WSB2: variants seen among roughly 807,000 people sequenced by gnomAD.
The protein encoded by WSB2 is WD repeat and SOCS box-containing protein 2.
WSB2 carries 12 observed loss-of-function variants against 48.8 expected under a neutral mutation model. The ratio of observed to expected loss-of-function variants is 0.25; its 90% confidence interval spans 0.16 to 0.40. WSB2 has a LOEUF of 0.40. WSB2 is among the 10% of genes least tolerant of loss of function. The pLI is 1.00. For missense variants in WSB2, 317 were observed against 506.2 expected (o/e 0.63, Z 3.59); for synonymous variants, 191 against 203.1 (o/e 0.94, Z 0.51).
At position 118,060,458 on chromosome 12, in the gene WSB2, G is replaced by A. The variant is rs2137805150; in HGVS notation, c.13+578C>T. 6.6e-6 allele frequency among the ~76,000 whole-genome samples: 1 copy of A among 152,242 alleles called. No individual in the cohort carries two copies. The highest frequency in any genetic ancestry group is 1.9e-4 in the East Asian group (1 of 5,176). On this transcript the variant is annotated intron_variant, in intron 1 of 8. Transcript: ENST00000315436. The surrounding 1 kb of genome is among the most constrained non-coding windows in gnomAD (Gnocchi z 4.1). ...TCTCCAGTGGGAGAGGCTGGGAATAGATTGTTTCAATAGGGAACCCAGACC... is the reference window on the plus strand; with the variant it reads ...TCTCCAGTGGGAGAGGCTGGGAATAAATTGTTTCAATAGGGAACCCAGACC...
chr12:118,045,221 G>A (rs1288030784), intron 2 of WSB2, among the ~76,000 whole-genome samples: 13 of 151,864 alleles, frequency 8.6e-5, no homozygotes, highest in Admixed American at 1.3e-4. Context: ...AAAATTAGCC[G>A]GGCGTGGTGG....
At position 118,060,957 on chromosome 12, in the gene WSB2, C is replaced by CCCCG; in HGVS notation, c.13+78_13+79insCGGG. On this transcript the variant is annotated intron_variant, in intron 1 of 8. Coordinates refer to ENST00000315436, the MANE Select transcript of WSB2 (RefSeq NM_018639.5). This position sits in a 1 kb window ranked among gnomAD's most constrained non-coding sequence, Gnocchi z 4.1. ...CCGCCCCACCCCGCCCAGCCCGCCC[C>CCCCG]GGGGTCGCCTCCCCCCTCCCCGGGG... 1.3e-4 allele frequency: 90 copies of CCCCG among 719,448 alleles called. No individual in the cohort carries two copies. Among genetic ancestry groups the CCCCG allele is most frequent in the East Asian group, 2.6e-4 (2 of 7,832 alleles). The allele number at this position is 719,448 out of a possible 1,614,324, so 44.6% of individuals were successfully genotyped here.
At chr12:118,038,552 A>C (rs1159488618) in intron 4 of WSB2, among the ~76,000 whole-genome samples, 164 bp from the exon 5 acceptor site, 2 of 152,240 alleles carry the variant, frequency 1.3e-5, no homozygotes, top group African/African-American at 4.8e-5. Flanking sequence ...AAATATGACC[A>C]GATTTGTCAT....
At chr12:118,039,272 C>G (rs1023567516) in intron 4 of WSB2, among the ~76,000 whole-genome samples, 4 of 152,108 alleles carry the variant, frequency 2.6e-5, no homozygotes, top group South Asian at 2.1e-4. Context: ...GTGTCTCACA[C>G]AATCTCTCCA....
chr12:118,051,083 A>C (rs1351252676), intron 2 of WSB2, among the ~76,000 whole-genome samples: 1 of 152,052 alleles, frequency 6.6e-6, no homozygotes, highest in Non-Finnish European at 1.5e-5. Context: ...AAGAAAGAAA[A>C]GACGCTTGAC....
At chr12:118,038,450 G>A (rs1270141250) in intron 4 of WSB2, 62 bp from the exon 5 acceptor site, 25 of 1,503,722 alleles carry the variant, frequency 1.7e-5, no homozygotes, top group African/African-American at 1.1e-4. Context: ...ACTGGAGAAC[G>A]GGAGAACTGG....
chr12:118,037,645 G>A (rs150713183), intron 5 of WSB2, among the ~76,000 whole-genome samples: 2,160 of 149,974 alleles, frequency 0.014, 39 homozygotes, highest in Middle Eastern at 0.071. Context: ...TCCAGCTTGG[G>A]CAACAACAGC....
At chr12:118,053,449 C>A (rs1363814784) in intron 1 of WSB2, among the ~76,000 whole-genome samples, 3 of 152,186 alleles carry the variant, frequency 2.0e-5, no homozygotes, top group Non-Finnish European at 2.9e-5. Context: ...ACTATCAAAA[C>A]GGAAATAAGT....
chr12:118,044,718 G>A, intron 2 of WSB2, among the ~76,000 whole-genome samples: 1 of 152,136 alleles, frequency 6.6e-6, no homozygotes, highest in Non-Finnish European at 1.5e-5. Context: ...CTGCGCCCAG[G>A]AAACAATGTC....
chr12:118,044,316 A>G (rs2031703040), intron 2 of WSB2, among the ~76,000 whole-genome samples: 1 of 152,184 alleles, frequency 6.6e-6, no homozygotes, highest in African/African-American at 2.4e-5. Flanking sequence ...TCCCATGAGT[A>G]AGAAAGCATA....
intron 1 of WSB2, among the ~76,000 whole-genome samples, chr12:118,059,909 G>A (rs2032030423): frequency 6.6e-6 from 1 of 152,060 alleles, no homozygotes; most frequent in Non-Finnish European, 1.5e-5. Context: ...ACCACCCCAG[G>A]GAATACCCAG....
intron 2 of WSB2, among the ~76,000 whole-genome samples, chr12:118,048,135 C>T (rs2137785859): frequency 6.6e-6 from 1 of 152,214 alleles, no homozygotes; most frequent in South Asian, 2.1e-4. Flanking sequence ...TGTTACGTTG[C>T]CCATGCTGAT....
chr12:118,054,776 G>A (rs1219796795), intron 1 of WSB2, among the ~76,000 whole-genome samples: 1 of 150,724 alleles, frequency 6.6e-6, no homozygotes, highest in African/African-American at 2.4e-5. Context: ...TAAAATAGGT[G>A]TGTGTTCCTG....
chr12:118,036,157 G>T, intron 6 of WSB2, 181 bp downstream of exon 6: 1 of 661,956 alleles, frequency 1.5e-6, no homozygotes. Context: ...ATCCAAGATT[G>T]CGCCACTGCA....
intron 2 of WSB2, among the ~76,000 whole-genome samples, chr12:118,047,856 T>A (rs1229415272): frequency 6.6e-6 from 1 of 152,226 alleles, no homozygotes; most frequent in Admixed American, 6.5e-5. Flanking sequence ...CACTATAAAT[T>A]TTTGTGTATA....
chr12:118,038,936 T>C (rs1242887744), intron 4 of WSB2, among the ~76,000 whole-genome samples: 1 of 152,128 alleles, frequency 6.6e-6, no homozygotes, highest in African/African-American at 2.4e-5. Context: ...ACTTTTTTTA[T>C]ATAATCTTGA....
chr12:118,037,604 G>A (rs1051836735), intron 5 of WSB2, among the ~76,000 whole-genome samples: 3 of 151,384 alleles, frequency 2.0e-5, no homozygotes, highest in African/African-American at 4.9e-5. Context: ...GGAAGCGGAG[G>A]TTGCAGTAAG....
intron 4 of WSB2, chr12:118,042,620 A>G: frequency 1.8e-6 from 1 of 571,272 alleles, no homozygotes; most frequent in South Asian, 2.4e-5. Context: ...TAGCCTAAAT[A>G]GACACACAGT....
At chr12:118,038,775 A>G (rs1384892060) in intron 4 of WSB2, among the ~76,000 whole-genome samples, 2 of 151,948 alleles carry the variant, frequency 1.3e-5, no homozygotes, top group African/African-American at 4.8e-5. Context: ...CTGCCTCCCA[A>G]GTTGAAGCGA....
Sources: allele counts gnomAD v4.1 joint callset (sites outside exome capture counted in the v4.1 genomes callset), GRCh38; gene constraint gnomAD v4.1.1; non-coding constraint Gnocchi (gnomAD v3.1); transcripts MANE v1.5; gene names NCBI Gene and HGNC (gene_info 2026-07-23, HGNC 2026-07-21).